The following CACNA1B variants were observed in gnomAD, a reference collection of about 807,000 sequenced individuals.
CACNA1B encodes calcium voltage-gated channel subunit alpha1 B, also known as voltage-dependent N-type calcium channel subunit alpha-1B.
CACNA1B carries 70 observed loss-of-function variants against 247.2 expected under a neutral mutation model. The observed-to-expected ratio is 0.28, with a 90% CI of 0.23 to 0.35. CACNA1B has a LOEUF of 0.35. CACNA1B is among the 10% of genes least tolerant of loss of function. The pLI is 1.00. For synonymous variants in CACNA1B, 1,231 were observed against 1,294.4 expected (o/e 0.95, Z 1.05); for missense variants, 2,367 against 3,197.4 (o/e 0.74, Z 6.26).
intron 12 of CACNA1B, among the ~76,000 whole-genome samples, chr9:137,980,289 T>C (rs972957413): frequency 2.6e-5 from 4 of 152,202 alleles, no homozygotes; most frequent in African/African-American, 9.6e-5. Flanking sequence ...ACCTTTTCTG[T>C]CTGTGTTCCT....
At position 138,122,782 on chromosome 9, in the gene CACNA1B, C is replaced by T. The variant is rs117722505; in HGVS notation, c.*783C>T. 6 of 152,358 alleles carry T rather than the reference C, an allele frequency of 3.9e-5. No homozygotes were observed. Among genetic ancestry groups the T allele is most frequent in the African/African-American group, 7.2e-5 (3 of 41,588 alleles). 9.4% of individuals were successfully genotyped at this position (152,358 alleles called of 1,614,324 possible). ...TGCAGCCCTGTCCGGTCCAGGTGGA[C>T]GTAGACGGCCCCTGGCTCTGCTGCT... is the stretch of plus-strand genomic sequence containing the variant. On this transcript the variant is annotated 3_prime_UTR_variant, in exon 47 of 47. Coordinates refer to ENST00000371372, the MANE Select transcript of CACNA1B (RefSeq NM_000718.4).
rs1002996386 is a variant in CACNA1B, at chr9:138,009,952, G to A, written c.2093-58G>A. ...GGGATCTGGGGAGATGGGGGAAGCT[G>A]CAGTGTGACTGGGGCCATGTGGGGC... On this transcript the variant is annotated intron_variant, in intron 16 of 46. Coordinates refer to ENST00000371372, the MANE Select transcript of CACNA1B (RefSeq NM_000718.4). 3 of 1,350,902 alleles carry A rather than the reference G, an allele frequency of 2.2e-6. No homozygotes were observed. In the African/African-American group the frequency reaches 4.3e-5, roughly 19 times the overall value. The allele number at this position is 1,350,902 out of a possible 1,614,324, so 83.7% of individuals were successfully genotyped here. A position where few individuals can be genotyped will look rare whatever the true frequency, so the allele number is the denominator to read the frequency against.
intron 31 of CACNA1B, among the ~76,000 whole-genome samples, chr9:138,067,125 G>C (rs1959948892): frequency 6.6e-6 from 1 of 152,080 alleles, no homozygotes; most frequent in African/African-American, 2.4e-5. Flanking sequence ...TGAAAACCTA[G>C]GTAAGTGAAC....
In CACNA1B at chr9:137,973,875, G is replaced by A. The variant is rs917541557; in HGVS notation, c.1544-2032G>A. On this transcript the variant is annotated intron_variant, in intron 11 of 46. Coordinates refer to ENST00000371372, the MANE Select transcript of CACNA1B (RefSeq NM_000718.4). This position sits in a 1 kb window ranked among gnomAD's most constrained non-coding sequence, Gnocchi z 4.1. ...GATCTCTTTCTCTGAAAGTTTTACC[G>A]TTTGCATTTCTTGTACTTGTTCCTT... is the stretch of plus-strand genomic sequence containing the variant. 6.6e-6 allele frequency among the ~76,000 whole-genome samples: 1 copy of A among 152,178 alleles called. No homozygotes were observed. Among genetic ancestry groups the A allele is most frequent in the Non-Finnish European group, 1.5e-5 (1 of 68,032 alleles).
intron 21 of CACNA1B, among the ~76,000 whole-genome samples, chr9:138,045,680 A>G (rs1250381985): frequency 1.3e-5 from 2 of 152,098 alleles, no homozygotes; most frequent in Non-Finnish European, 2.9e-5. Context: ...TGGGGGCTAG[A>G]GCTGAGTGCC....
At chr9:137,889,831 G>T (rs1957072053) in intron 3 of CACNA1B, among the ~76,000 whole-genome samples, 1 of 147,846 alleles carries the variant, frequency 6.8e-6, no homozygotes, top group Non-Finnish European at 1.5e-5. Context: ...CCTTATGGAG[G>T]GCCTGGCCCA....
At chr9:138,065,484 G>T (rs750154110) in intron 31 of CACNA1B, among the ~76,000 whole-genome samples, 8 of 152,162 alleles carry the variant, frequency 5.3e-5, no homozygotes, top group Non-Finnish European at 1.2e-4. Flanking sequence ...GCTCCTGCAG[G>T]CCCAGGCAGT....
intron 39 of CACNA1B, among the ~76,000 whole-genome samples, chr9:138,106,335 C>T (rs557733990): frequency 6.6e-6 from 1 of 152,108 alleles, no homozygotes; most frequent in East Asian, 1.9e-4. Flanking sequence ...CACCCCCCTG[C>T]GTCTGCCCCA....
Position 137,975,968 on chromosome 9 carries a change from C to T in CACNA1B, c.1605C>T (p.Gly535=), listed in dbSNP as rs762129197. 1 of 1,613,708 alleles carries T rather than the reference C, an allele frequency of 6.2e-7. No individual in the cohort carries two copies. The highest frequency in any genetic ancestry group is 1.3e-5 in the African/African-American group (1 of 75,062). The change falls in exon 12 of 47, where the codon GGC becomes GGT. Residue 535 remains glycine, a synonymous_variant. Transcript: ENST00000371372. ...FLTEMSLKMY[G]LGPRSYFRSS... Reference sequence around the variant, plus strand: ...CAGAGATGTCCCTGAAGATGTATGGCCTGGGGCCCAGAAGCTACTTCCGGT... The same window carrying T: ...CAGAGATGTCCCTGAAGATGTATGGTCTGGGGCCCAGAAGCTACTTCCGGT...
chr9:138,103,457 T>C (rs1422444815), intron 38 of CACNA1B, among the ~76,000 whole-genome samples: 1 of 152,090 alleles, frequency 6.6e-6, no homozygotes, highest in Admixed American at 6.5e-5. Flanking sequence ...TGCTGGAGGA[T>C]GGGGATGGCC....
rs1265539027 is a variant in CACNA1B, at chr9:137,952,389, T to C, written c.1070+12T>C. 2 of 1,600,946 alleles carry C rather than the reference T, an allele frequency of 1.2e-6. No individual in the cohort carries two copies. Among genetic ancestry groups the C allele is most frequent in the Non-Finnish European group, 1.7e-6 (2 of 1,168,778 alleles). On this transcript the variant is annotated intron_variant, in intron 7 of 46. Coordinates refer to ENST00000371372, the MANE Select transcript of CACNA1B (RefSeq NM_000718.4). This position sits in a 1 kb window ranked among gnomAD's most constrained non-coding sequence, Gnocchi z 4.8. ...GGCGTGCTCTCGGGGTGAGAGACCATGTGGGGGATGTGCAGGTGCCCCTCT... is the reference window on the plus strand; with the variant it reads ...GGCGTGCTCTCGGGGTGAGAGACCACGTGGGGGATGTGCAGGTGCCCCTCT...
intron 36 of CACNA1B, among the ~76,000 whole-genome samples, chr9:138,086,299 G>T (rs771744636): frequency 2.6e-5 from 4 of 151,158 alleles, no homozygotes; most frequent in Non-Finnish European, 5.9e-5. Flanking sequence ...CATACTCCAC[G>T]TAAACAGAAA....
chr9:138,108,493 A>T (rs1247235846), intron 39 of CACNA1B, among the ~76,000 whole-genome samples: 1 of 152,186 alleles, frequency 6.6e-6, no homozygotes, highest in Non-Finnish European at 1.5e-5. Context: ...CAAAAAGTGG[A>T]AAAAGGGAAT....
chr9:137,968,116 T>C (rs1166138784), intron 10 of CACNA1B, among the ~76,000 whole-genome samples: 1 of 152,260 alleles, frequency 6.6e-6, no homozygotes, highest in African/African-American at 2.4e-5. Flanking sequence ...TGGGCCTTTG[T>C]TGACTTTTCC....
chr9:137,970,774 G>T (rs535761928), intron 10 of CACNA1B, among the ~76,000 whole-genome samples: 1 of 152,336 alleles, frequency 6.6e-6, no homozygotes, highest in East Asian at 1.9e-4. Flanking sequence ...AAGGCTGCTG[G>T]GTTGGGTGGT....
chr9:137,883,324 C>T (rs1258155308), intron 3 of CACNA1B, among the ~76,000 whole-genome samples: 10 of 151,898 alleles, frequency 6.6e-5, no homozygotes, highest in Non-Finnish European at 5.9e-5. Flanking sequence ...CTGCCTGAGA[C>T]GCTCACCTGT....
rs1408628906 is a variant in CACNA1B, at chr9:137,974,405, A to T, written c.1544-1502A>T. Reference sequence around the variant, plus strand: ...CTGGTGATTTTCTGGCTGGTGTCAGAGGCCAGGCTTGCTACAGGTGACTTG... The same window carrying T: ...CTGGTGATTTTCTGGCTGGTGTCAGTGGCCAGGCTTGCTACAGGTGACTTG... On this transcript the variant is annotated intron_variant, in intron 11 of 46. Transcript: ENST00000371372. This position sits in a 1 kb window ranked among gnomAD's most constrained non-coding sequence, Gnocchi z 4.5. Among the ~76,000 whole-genome samples, 1 of 152,172 alleles carries T rather than the reference A, an allele frequency of 6.6e-6. No individual in the cohort carries two copies. The highest frequency in any genetic ancestry group is 2.4e-5 in the African/African-American group (1 of 41,436).
At chr9:138,110,659 G>A (rs1160430825) in intron 39 of CACNA1B, among the ~76,000 whole-genome samples, 1 of 152,166 alleles carries the variant, frequency 6.6e-6, no homozygotes, top group Non-Finnish European at 1.5e-5. Flanking sequence ...TTGAGCCCAG[G>A]TGTTCGAGGT....
At position 137,917,092 on chromosome 9, in the gene CACNA1B, G is replaced by C; in HGVS notation, c.776-149G>C. 1 of 671,704 alleles carries C rather than the reference G, an allele frequency of 1.5e-6. No homozygotes were observed. Among genetic ancestry groups the C allele is most frequent in the Non-Finnish European group, 2.5e-6 (1 of 400,306 alleles). 41.6% of individuals were successfully genotyped at this position (671,704 alleles called of 1,614,324 possible). ...AGGCGATGCCTGATGCAGATTCGAG[G>C]AGGGATGGTGGGAAGTTGAGGGAGA... On this transcript the variant is annotated intron_variant, in intron 5 of 46. Transcript: ENST00000371372. The surrounding 1 kb of genome is among the most constrained non-coding windows in gnomAD (Gnocchi z 5.5).
Sources: allele counts gnomAD v4.1 joint callset (sites outside exome capture counted in the v4.1 genomes callset), GRCh38; gene constraint gnomAD v4.1.1; non-coding constraint Gnocchi (gnomAD v3.1); transcripts MANE v1.5; gene names NCBI Gene and HGNC (gene_info 2026-07-23, HGNC 2026-07-21).